Variants in IGF2BP2 observed in about 807,000 individuals in gnomAD.
IGF2BP2 encodes the protein insulin-like growth factor 2 mRNA-binding protein 2.
IGF2BP2 carries 17 observed loss-of-function variants against 75.8 expected under a neutral mutation model. The observed-to-expected ratio is 0.22, with a 90% CI of 0.15 to 0.34. IGF2BP2 has a LOEUF of 0.34. Among genes scored for constraint, IGF2BP2 ranks in the 10% least tolerant of loss-of-function variants. The probability of loss-of-function intolerance (pLI) is 1.00; values close to 1 mark genes in which losing one functional copy is unlikely to be tolerated. For missense variants in IGF2BP2, 516 were observed against 772.4 expected, an observed-to-expected ratio of 0.67 and a Z score of 3.93; for synonymous variants, 288 against 295.6, an observed-to-expected ratio of 0.97 and a Z score of 0.26.
chr3:185,821,521 G>C (rs2150068359), intron 2 of IGF2BP2, among the ~76,000 whole-genome samples: 1 of 152,294 alleles, frequency 6.6e-6, no homozygotes, highest in African/African-American at 2.4e-5. Context: ...ACATTTGTGA[G>C]AAGTTTTAGG....
At chr3:185,692,264 T>G (rs1722048119) in intron 5 of IGF2BP2, among the ~76,000 whole-genome samples, 1 of 152,236 alleles carries the variant, frequency 6.6e-6, no homozygotes, top group African/African-American at 2.4e-5. Context: ...GGTATAGGCT[T>G]GTGCTGCCTC....
intron 5 of IGF2BP2, among the ~76,000 whole-genome samples, chr3:185,689,940 C>T (rs961260116): frequency 6.9e-6 from 1 of 144,946 alleles, no homozygotes; most frequent in South Asian, 2.2e-4. Flanking sequence ...TGCACTCCAG[C>T]CTGGGCGACA....
intron 2 of IGF2BP2, among the ~76,000 whole-genome samples, chr3:185,701,302 C>A (rs1318396330): frequency 6.9e-6 from 1 of 145,930 alleles, no homozygotes; most frequent in African/African-American, 2.5e-5. Flanking sequence ...ACAATGAAAA[C>A]TTCTATTAGG....
chr3:185,652,091 A>T lies in IGF2BP2; in HGVS notation c.1461+3T>A. On this transcript the variant is annotated splice_donor_region_variant and intron_variant, in intron 13 of 15. Coordinates refer to ENST00000382199, the MANE Select transcript of IGF2BP2 (RefSeq NM_006548.6). ...CAGGGCTGAGGTGTCCCTTGGCACTAACCTTGAACTGGGCTTCCGGTGGCC... is the reference window on the plus strand; with the variant it reads ...CAGGGCTGAGGTGTCCCTTGGCACTTACCTTGAACTGGGCTTCCGGTGGCC... 2 of 1,611,788 alleles carry T rather than the reference A, an allele frequency of 1.2e-6. No homozygotes were observed. Among genetic ancestry groups the T allele is most frequent in the Admixed American group, 3.3e-5 (2 of 59,882 alleles).
At chr3:185,760,199 G>C (rs546846337) in intron 2 of IGF2BP2, among the ~76,000 whole-genome samples, 3 of 152,224 alleles carry the variant, frequency 2.0e-5, no homozygotes, top group Middle Eastern at 3.4e-3. Context: ...AAGAAACTTA[G>C]GGACTGCACA....
chr3:185,647,048 T>C lies in IGF2BP2; in HGVS notation c.1684A>G (p.Ile562Val). 6.2e-7 allele frequency: 1 copy of C among 1,613,884 alleles called. No homozygotes were observed. The highest frequency in any genetic ancestry group is 8.5e-7 in the Non-Finnish European group (1 of 1,179,770). ...DENEEVIVRI[I>V]GHFFASQTAQ... is the part of the protein sequence containing the mutation. ...ACCTGGCTAGCAAAGAAGTGCCCGA[T>C]AATTCTGACGATCACTTCCTCATTT... The change falls in exon 15 of 16, where the codon ATC (isoleucine) becomes GTC (valine). Residue 562 changes from isoleucine to valine, a missense_variant. Physicochemically the swap from Ile to Val is conservative, Grantham distance 29 (BLOSUM62 3). This residue lies in a region of IGF2BP2 where 129 missense variants were observed against 230.5 expected (regional missense o/e 0.56). Transcript: ENST00000382199. This position sits in a 1 kb window ranked among gnomAD's most constrained non-coding sequence, Gnocchi z 4.9.
In IGF2BP2 at chr3:185,722,103, T is replaced by C. The variant is rs755732649; in HGVS notation, c.240-23756A>G. 7.5e-4 allele frequency: 135 copies of C among 180,844 alleles called. 3 individuals carry two copies. The highest frequency in any genetic ancestry group is 4.7e-3 in the South Asian group (67 of 14,264). The allele number at this position is 180,844 out of a possible 1,614,324, so 11.2% of individuals were successfully genotyped here. ...CCAACCACATCTGATTTTTTTTTTC[T>C]TTTTTTTTTTTGTAGAGAGAGTGTC... On this transcript the variant is annotated intron_variant, in intron 2 of 15. Coordinates refer to ENST00000382199, the MANE Select transcript of IGF2BP2 (RefSeq NM_006548.6).
rs1713126126 is a variant in IGF2BP2, at chr3:185,644,236, G to A, written c.*1295C>T. ...AAAAACACCTGAGGTAGCTTCTTCT[G>A]TGTGTTTTTCTCGTTAAAAAAATCT... On this transcript the variant is annotated 3_prime_UTR_variant, in exon 16 of 16. Transcript: ENST00000382199. 1 of 152,430 alleles carries A rather than the reference G, an allele frequency of 6.6e-6. No homozygotes were observed. The highest frequency in any genetic ancestry group is 2.1e-4 in the South Asian group (1 of 4,814). The allele number at this position is 152,430 out of a possible 1,614,324, so 9.4% of individuals were successfully genotyped here. A position where few individuals can be genotyped will look rare whatever the true frequency, so the allele number is the denominator to read the frequency against.
intron 2 of IGF2BP2, among the ~76,000 whole-genome samples, chr3:185,820,597 C>T (rs1741253233): frequency 6.6e-6 from 1 of 152,054 alleles, no homozygotes; most frequent in South Asian, 2.1e-4. Flanking sequence ...ATAATGGCAT[C>T]TAGTCTATTA....
intron 2 of IGF2BP2, among the ~76,000 whole-genome samples, chr3:185,734,995 T>A (rs1560382031): frequency 6.6e-6 from 1 of 152,108 alleles, no homozygotes; most frequent in Non-Finnish European, 1.5e-5. Flanking sequence ...AAAGCACACA[T>A]AAGTGCTCAA....
chr3:185,723,373 G>C (rs1726852057), intron 2 of IGF2BP2, among the ~76,000 whole-genome samples: 1 of 152,194 alleles, frequency 6.6e-6, no homozygotes, highest in Non-Finnish European at 1.5e-5. Context: ...CAGGGTATTA[G>C]GGCTGGGAAG....
intron 5 of IGF2BP2, among the ~76,000 whole-genome samples, chr3:185,690,428 A>G (rs953911779): frequency 6.6e-6 from 1 of 152,238 alleles, no homozygotes; most frequent in African/African-American, 2.4e-5. Context: ...AACAGTTAAT[A>G]TTCTAAAACA....
chr3:185,645,521 T>C lies in IGF2BP2; in HGVS notation c.*10A>G. 5.7e-6 allele frequency: 9 copies of C among 1,592,918 alleles called. No homozygotes were observed. The highest frequency in any genetic ancestry group is 7.8e-6 in the Non-Finnish European group (9 of 1,160,842). ...ATTCATCCGTTGTTTTGCTGGTGCC[T>C]GTGGGAGCCTCACTTGCTGCGCTGT... is the stretch of plus-strand genomic sequence containing the variant. On this transcript the variant is annotated 3_prime_UTR_variant, in exon 16 of 16. Coordinates refer to ENST00000382199, the MANE Select transcript of IGF2BP2 (RefSeq NM_006548.6). The surrounding 1 kb of genome is among the most constrained non-coding windows in gnomAD (Gnocchi z 4.9).
chr3:185,658,300 A>AG (rs748257030), intron 11 of IGF2BP2, 41 bp downstream of exon 11: 4 of 1,582,760 alleles, frequency 2.5e-6, no homozygotes, highest in Non-Finnish European at 3.5e-6. Context: ...GCCTAGCCCC[A>AG]GGAGAAGTGG....
At chr3:185,732,849 C>T (rs1337281168) in intron 2 of IGF2BP2, among the ~76,000 whole-genome samples, 1 of 152,180 alleles carries the variant, frequency 6.6e-6, no homozygotes, top group East Asian at 1.9e-4. Context: ...AGATAATCCC[C>T]TGTAGGCCTC....
At chr3:185,677,062 T>TG (rs1560276218) in intron 7 of IGF2BP2, among the ~76,000 whole-genome samples, 1 of 50,352 alleles carries the variant, frequency 2.0e-5, no homozygotes, top group African/African-American at 9.7e-5. Flanking sequence ...TATATATATA[T>TG]ATATATAGAG....
At chr3:185,649,559 G>T in intron 13 of IGF2BP2, 25 bp from the exon 14 acceptor site, 2 of 1,613,456 alleles carry the variant, frequency 1.2e-6, no homozygotes, top group South Asian at 2.2e-5. Context: ...CATGACTAAT[G>T]ACTCTCAGTC....
chr3:185,811,386 T>C (rs1470580), intron 2 of IGF2BP2, among the ~76,000 whole-genome samples: 1 of 151,960 alleles, frequency 6.6e-6, no homozygotes, highest in South Asian at 2.1e-4. Context: ...TCTTCAACAA[T>C]GTTTTATAGA....
chr3:185,709,076 A>G (rs576584052), intron 2 of IGF2BP2, among the ~76,000 whole-genome samples: 4 of 152,344 alleles, frequency 2.6e-5, no homozygotes, highest in African/African-American at 9.6e-5. Context: ...GTAAAAACAA[A>G]TATTTACACA....
Sources: allele counts gnomAD v4.1 joint callset (sites outside exome capture counted in the v4.1 genomes callset), GRCh38; gene constraint gnomAD v4.1.1; regional missense constraint gnomAD v4.1.1; non-coding constraint Gnocchi (gnomAD v3.1); transcripts MANE v1.5; gene names NCBI Gene and HGNC (gene_info 2026-07-23, HGNC 2026-07-21).